Variants in NGEF observed in about 807,000 individuals in gnomAD.
NGEF encodes ephexin-1.
In NGEF, 31 loss-of-function variants were observed where a neutral mutation model predicts 80.9. The observed-to-expected ratio is 0.38, with a 90% CI of 0.29 to 0.52. The LOEUF is 0.52. NGEF is among the 20% of genes least tolerant of loss of function. The pLI is 0.84. For synonymous variants in NGEF, 371 were observed against 370.2 expected, an observed-to-expected ratio of 1.00 and a Z score of -0.03; for missense variants, 709 against 926.2, an observed-to-expected ratio of 0.77 and a Z score of 3.04.
chr2:232,883,833 G>T, intron 11 of NGEF, 148 bp downstream of exon 11: 2 of 815,024 alleles, frequency 2.5e-6, no homozygotes, highest in Non-Finnish European at 3.7e-6. Flanking sequence ...AAGGCCCAAA[G>T]CTGGGCCACA....
chr2:232,879,705 G>A (rs761370506), intron 14 of NGEF, 26 bp from the exon 15 acceptor site: 5 of 1,598,442 alleles, frequency 3.1e-6, no homozygotes, highest in Non-Finnish European at 3.4e-6. Context: ...AGGGAGAGAA[G>A]GTCAGTGCTC....
In NGEF at chr2:232,892,863, C is replaced by G. The variant is rs1377731059; in HGVS notation, c.1142+35G>C. ...CTGGTATGGCTGCCCCGGGCACCTC[C>G]CCCTGCCCCTGAGCCCCTTGCCGGA... is the stretch of plus-strand genomic sequence containing the variant. On this transcript the variant is annotated intron_variant, in intron 7 of 14. Transcript: ENST00000264051. The surrounding 1 kb of genome is among the most constrained non-coding windows in gnomAD (Gnocchi z 4.0). 2 of 1,604,438 alleles carry G rather than the reference C, an allele frequency of 1.2e-6. No individual in the cohort carries two copies. Among genetic ancestry groups the G allele is most frequent in the African/African-American group, 2.7e-5 (2 of 74,842 alleles).
At chr2:232,981,772 C>T (rs1694433769) in intron 1 of NGEF, among the ~76,000 whole-genome samples, 1 of 152,212 alleles carries the variant, frequency 6.6e-6, no homozygotes, top group Non-Finnish European at 1.5e-5. Context: ...CTCCCATCTC[C>T]CGCACAGCTG....
At chr2:232,961,644 C>T (rs1228965131) in intron 3 of NGEF, among the ~76,000 whole-genome samples, 1 of 151,482 alleles carries the variant, frequency 6.6e-6, no homozygotes, top group African/African-American at 2.4e-5. Flanking sequence ...AGGTGCCCGC[C>T]ACCACGCCCA....
At chr2:232,923,456 C>G (rs1284721033) in intron 4 of NGEF, among the ~76,000 whole-genome samples, 1 of 152,100 alleles carries the variant, frequency 6.6e-6, no homozygotes, top group Non-Finnish European at 1.5e-5. Flanking sequence ...TACCACAAGG[C>G]CCAGTGCAGT....
At chr2:232,907,409 T>G (rs535721882) in intron 5 of NGEF, among the ~76,000 whole-genome samples, 35 of 152,074 alleles carry the variant, frequency 2.3e-4, no homozygotes, top group Non-Finnish European at 5.0e-4. Context: ...CTTTGATAAA[T>G]AGACTGAAAA....
At chr2:232,956,781 T>TA (rs57407464) in intron 3 of NGEF, among the ~76,000 whole-genome samples, 2,533 of 62,038 alleles carry the variant, frequency 0.041, 190 homozygotes, top group African/African-American at 0.088. Flanking sequence ...AGACTCCATC[T>TA]AAAAAAAAAA....
intron 1 of NGEF, among the ~76,000 whole-genome samples, chr2:232,978,998 C>G (rs563811639): frequency 6.6e-6 from 1 of 152,338 alleles, no homozygotes; most frequent in Non-Finnish European, 1.5e-5. Context: ...TGTGTCAGTG[C>G]TGATCACCAG....
intron 1 of NGEF, among the ~76,000 whole-genome samples, chr2:233,001,184 G>A (rs184743749): frequency 1.3e-5 from 2 of 152,292 alleles, no homozygotes; most frequent in East Asian, 3.9e-4. Flanking sequence ...TCCCCCTTCC[G>A]GAGATGAGGA....
At chr2:232,950,546 G>A (rs1431340036) in intron 3 of NGEF, among the ~76,000 whole-genome samples, 1 of 151,908 alleles carries the variant, frequency 6.6e-6, no homozygotes, top group African/African-American at 2.4e-5. Context: ...ATCTGGGGCA[G>A]AGAGGAGCCT....
At chr2:232,976,684 A>T (rs1419097855) in intron 1 of NGEF, among the ~76,000 whole-genome samples, 1 of 152,154 alleles carries the variant, frequency 6.6e-6, no homozygotes, top group African/African-American at 2.4e-5. Flanking sequence ...CCTTCCCTGT[A>T]AATTGTCAGC....
At chr2:232,884,690 G>A (rs564012114) in intron 10 of NGEF, among the ~76,000 whole-genome samples, 4 of 152,302 alleles carry the variant, frequency 2.6e-5, no homozygotes, top group South Asian at 2.1e-4. Context: ...AGGGGCAGGC[G>A]CCTGGCAGCC....
rs1273171572 is a variant in NGEF, at chr2:232,993,184, A to G, written c.-74-18220T>C. On this transcript the variant is annotated intron_variant, in intron 1 of 14. Transcript: ENST00000264051. ...ATATATATTATATATATAAATAAATATATATATTTATTTATATATATATTT... is the reference window on the plus strand; with the variant it reads ...ATATATATTATATATATAAATAAATGTATATATTTATTTATATATATATTT... Among the ~76,000 whole-genome samples, 34 of 135,380 alleles carry G rather than the reference A, an allele frequency of 2.5e-4. 1 individual carries two copies. In the East Asian group the frequency reaches 6.7e-3, roughly 27 times the overall value. 88.8% of individuals were successfully genotyped at this position (135,380 alleles called of 152,430 possible). A position where few individuals can be genotyped will look rare whatever the true frequency, so the allele number is the denominator to read the frequency against.
intron 1 of NGEF, among the ~76,000 whole-genome samples, chr2:232,997,400 C>T (rs933576131): frequency 3.9e-5 from 6 of 152,038 alleles, no homozygotes; most frequent in African/African-American, 1.2e-4. Context: ...GGTGTGGAGA[C>T]CAGGGCGGGG....
At chr2:232,936,185 C>T (rs1693320032) in intron 3 of NGEF, among the ~76,000 whole-genome samples, 1 of 152,136 alleles carries the variant, frequency 6.6e-6, no homozygotes, top group African/African-American at 2.4e-5. Flanking sequence ...AGGAGACTTT[C>T]CAAAAATAAA....
At chr2:232,902,076 A>G (rs1181742225) in intron 5 of NGEF, among the ~76,000 whole-genome samples, 1 of 152,120 alleles carries the variant, frequency 6.6e-6, no homozygotes, top group Non-Finnish European at 1.5e-5. Flanking sequence ...GGCGCTCCCA[A>G]GCTCTCCACT....
At chr2:232,879,780 A>AG in intron 14 of NGEF, 101 bp from the exon 15 acceptor site, 1 of 1,137,598 alleles carries the variant, frequency 8.8e-7, no homozygotes, top group East Asian at 2.5e-5. Context: ...GCGGGACACT[A>AG]GGGGTCCAGC....
chr2:232,969,464 T>TCCTC (rs1694138906), intron 3 of NGEF, among the ~76,000 whole-genome samples: 1 of 94,110 alleles, frequency 1.1e-5, no homozygotes, highest in Non-Finnish European at 1.9e-5. Flanking sequence ...CTTCCTTCCT[T>TCCTC]CCTTCCTTCT....
At chr2:232,981,728 A>G (rs1052524251) in intron 1 of NGEF, among the ~76,000 whole-genome samples, 1 of 152,124 alleles carries the variant, frequency 6.6e-6, no homozygotes, top group Non-Finnish European at 1.5e-5. Context: ...CAATCCCCGA[A>G]TGCTTGGGGA....
Sources: allele counts gnomAD v4.1 joint callset (sites outside exome capture counted in the v4.1 genomes callset), GRCh38; gene constraint gnomAD v4.1.1; non-coding constraint Gnocchi (gnomAD v3.1); transcripts MANE v1.5; gene names NCBI Gene and HGNC (gene_info 2026-07-23, HGNC 2026-07-21).